Variants in SAMD3 observed in about 807,000 individuals in gnomAD.
SAMD3 encodes the protein sterile alpha motif domain-containing protein 3.
A neutral mutation model predicts 58.5 loss-of-function variants in SAMD3; 63 were observed. That is an observed-to-expected ratio of 1.08 (90% CI 0.88 to 1.33). SAMD3 has a LOEUF of 1.33. Among genes scored for constraint, SAMD3 ranks in the 40% most tolerant of loss-of-function variants. SAMD3 has a pLI of 0.00. For synonymous variants in SAMD3, 220 were observed against 210.3 expected (o/e 1.05, Z -0.40); for missense variants, 604 against 608.4 (o/e 0.99, Z 0.08).
At chr6:130,194,742 A>G (rs944765039) in intron 5 of SAMD3, among the ~76,000 whole-genome samples, 9 of 152,356 alleles carry the variant, frequency 5.9e-5, no homozygotes, top group East Asian at 3.9e-4. Flanking sequence ...AACCACTCCC[A>G]GAGCCCATGG....
At chr6:130,342,467 G>A (rs1777302851) in intron 1 of SAMD3, among the ~76,000 whole-genome samples, 1 of 151,978 alleles carries the variant, frequency 6.6e-6, no homozygotes, top group South Asian at 2.1e-4. Context: ...TTAATATCTT[G>A]CAATCACATT....
intron 2 of SAMD3, among the ~76,000 whole-genome samples, chr6:130,265,056 G>A (rs1562488196): frequency 6.6e-6 from 1 of 152,192 alleles, no homozygotes; most frequent in African/African-American, 2.4e-5. Context: ...GTACCCCCAT[G>A]CTGTGGTGAC....
At chr6:130,185,482 C>T (rs1792851785) in intron 5 of SAMD3, among the ~76,000 whole-genome samples, 1 of 152,086 alleles carries the variant, frequency 6.6e-6, no homozygotes, top group African/African-American at 2.4e-5. Context: ...GCATGTGCCA[C>T]CACACCTGGC....
intron 2 of SAMD3, among the ~76,000 whole-genome samples, chr6:130,300,925 C>G (rs911256359): frequency 6.6e-6 from 1 of 152,130 alleles, no homozygotes; most frequent in African/African-American, 2.4e-5. Context: ...CACCCATCAA[C>G]TCGTCATTTA....
rs117540807 is a variant in SAMD3, at chr6:130,303,153, C to T, written c.-188+9825G>A. Among the ~76,000 whole-genome samples, 161 of 152,268 alleles carry T rather than the reference C, an allele frequency of 1.1e-3. 1 individual carries two copies. Among genetic ancestry groups the T allele is most frequent in the South Asian group, 9.5e-3 (46 of 4,820 alleles). ...GGACTCTACTGAACATTGCTCTCTT[C>T]GGTACCTTTCCTGCCTCTATTGTTC... is the stretch of plus-strand genomic sequence containing the variant. On this transcript the variant is annotated intron_variant, in intron 2 of 13. Transcript: ENST00000368134.
intron 7 of SAMD3, among the ~76,000 whole-genome samples, chr6:130,180,012 A>G (rs888546800): frequency 6.6e-6 from 1 of 151,872 alleles, no homozygotes; most frequent in African/African-American, 2.4e-5. Flanking sequence ...ACGGGGTTTC[A>G]CCATGTTGGC....
intron 5 of SAMD3, among the ~76,000 whole-genome samples, chr6:130,190,603 A>C (rs1793450272): frequency 6.6e-6 from 1 of 152,210 alleles, no homozygotes; most frequent in Non-Finnish European, 1.5e-5. Flanking sequence ...TTTAGGAGGA[A>C]ATAGTCATTG....
At chr6:130,311,726 G>C (rs1410044321) in intron 2 of SAMD3, among the ~76,000 whole-genome samples, 1 of 149,034 alleles carries the variant, frequency 6.7e-6, no homozygotes. Flanking sequence ...CCAGATGACA[G>C]CCATGTTGAG....
chr6:130,306,264 G>A (rs1353359431), intron 2 of SAMD3, among the ~76,000 whole-genome samples: 1 of 152,080 alleles, frequency 6.6e-6, no homozygotes, highest in Middle Eastern at 3.2e-3. Context: ...AAAAATATAG[G>A]ATCATTTTAG....
At chr6:130,342,486 ATTAAAG>A (rs1163996111) in intron 1 of SAMD3, among the ~76,000 whole-genome samples, 2 of 152,212 alleles carry the variant, frequency 1.3e-5, no homozygotes, top group African/African-American at 2.4e-5. Context: ...TTTATAATTA[ATTAAAG>A]TTAATCTCTT....
intron 2 of SAMD3, among the ~76,000 whole-genome samples, chr6:130,309,525 G>A (rs1243612047): frequency 6.6e-6 from 1 of 152,100 alleles, no homozygotes; most frequent in African/African-American, 2.4e-5. Flanking sequence ...TAAAATCATT[G>A]ATATCGGCAA....
At chr6:130,204,255 G>A (rs1253097559) in intron 5 of SAMD3, among the ~76,000 whole-genome samples, 1 of 152,076 alleles carries the variant, frequency 6.6e-6, no homozygotes, top group African/African-American at 2.4e-5. Flanking sequence ...GAGGTGAACA[G>A]TTTCAAACAG....
chr6:130,171,707 G>A (rs1211975419), intron 8 of SAMD3, among the ~76,000 whole-genome samples: 1 of 152,196 alleles, frequency 6.6e-6, no homozygotes, highest in Non-Finnish European at 1.5e-5. Flanking sequence ...GGAGAGTTCT[G>A]CAGATATCTA....
At chr6:130,344,825 C>CAAAAAAAAAAAA (rs56795907) in intron 1 of SAMD3, among the ~76,000 whole-genome samples, 17 of 41,102 alleles carry the variant, frequency 4.1e-4, no homozygotes, top group South Asian at 1.5e-3. Context: ...ACAACAACAG[C>CAAAAAAAAAAAA]AAAAAAAAAA....
Position 130,169,504 on chromosome 6 carries a change from A to G in SAMD3, c.822+6337T>C, listed in dbSNP as rs376915354. ...AAAAATGTTGTCTCTGTAGACGTCA[A>G]CAATGACCACCCTATCGTCTCTTTT... On this transcript the variant is annotated intron_variant, in intron 8 of 11. Transcript: ENST00000439090. Among the ~76,000 whole-genome samples, 163 of 152,344 alleles carry G rather than the reference A, an allele frequency of 1.1e-3. 6 individuals carry two copies. In the South Asian group the frequency reaches 0.033, roughly 31 times the overall value.
At chr6:130,144,256 C>T (rs11154524), downstream of SAMD3, 14,831 of 438,746 alleles carry the variant, frequency 0.034, 346 homozygotes, top group Middle Eastern at 0.082. Context: ...AACTGAGGCA[C>T]CTCTGAAAAT....
At chr6:130,157,399 C>T (rs1055270627) in intron 8 of SAMD3, among the ~76,000 whole-genome samples, 2 of 151,430 alleles carry the variant, frequency 1.3e-5, no homozygotes, top group Non-Finnish European at 2.9e-5. Flanking sequence ...AGTGCAGTGG[C>T]GTGATCACAG....
At chr6:130,251,909 G>A (rs1562481603) in intron 2 of SAMD3, among the ~76,000 whole-genome samples, 2 of 151,884 alleles carry the variant, frequency 1.3e-5, no homozygotes, top group South Asian at 4.1e-4. Flanking sequence ...TTCTACAGAT[G>A]TGTTAGGTCT....
chr6:130,343,974 C>CA (rs1554276943), intron 1 of SAMD3, among the ~76,000 whole-genome samples: 1,817 of 146,768 alleles, frequency 0.012, 34 homozygotes, highest in African/African-American at 0.04. Context: ...TAAAAACAAA[C>CA]AAAAAAAAAA....
Sources: gnomAD v4.1 joint callset for allele counts (sites outside exome capture counted in the v4.1 genomes callset) on GRCh38, gnomAD v4.1.1 for gene constraint, MANE v1.5 for transcripts, NCBI Gene and HGNC (gene_info 2026-07-23, HGNC 2026-07-21) for gene names.